The following ATAD2B variants were observed in gnomAD, a reference collection of about 807,000 sequenced individuals.
ATAD2B encodes the protein ATPase family AAA domain-containing protein 2B.
ATAD2B carries 40 observed loss-of-function variants against 167.6 expected under a neutral mutation model. The ratio of observed to expected loss-of-function variants is 0.24; its 90% CI spans 0.19 to 0.31. The LOEUF is 0.31. Ranked by LOEUF, ATAD2B falls within the 10% of genes least tolerant of loss-of-function variation. The probability of loss-of-function intolerance (pLI) is 1.00; values close to 1 mark genes in which losing one functional copy is unlikely to be tolerated. For missense variants in ATAD2B, 1,242 were observed against 1,757.2 expected (o/e 0.71, Z 5.24); for synonymous variants, 579 against 596.5 (o/e 0.97, Z 0.43).
At chr2:23,834,647 G>A (rs1689638743) in intron 13 of ATAD2B, among the ~76,000 whole-genome samples, 1 of 149,756 alleles carries the variant, frequency 6.7e-6, no homozygotes, top group Non-Finnish European at 1.5e-5. Flanking sequence ...ATACTATCAG[G>A]AAAGTAAAAA....
chr2:23,895,443 T>C (rs1333418411), intron 2 of ATAD2B, among the ~76,000 whole-genome samples: 1 of 152,072 alleles, frequency 6.6e-6, no homozygotes, highest in Non-Finnish European at 1.5e-5. Flanking sequence ...AATTTAAATG[T>C]CATTATATCT....
intron 13 of ATAD2B, among the ~76,000 whole-genome samples, chr2:23,834,475 T>G (rs1689605143): frequency 6.6e-6 from 1 of 152,070 alleles, no homozygotes; most frequent in Admixed American, 6.5e-5. Context: ...CAGTCTTTAA[T>G]GCTAACAAAA....
intron 2 of ATAD2B, among the ~76,000 whole-genome samples, chr2:23,890,427 G>A (rs929790002): frequency 6.6e-6 from 1 of 152,022 alleles, no homozygotes; most frequent in African/African-American, 2.4e-5. Context: ...TGATTCTCCA[G>A]GTATATGAGT....
intron 22 of ATAD2B, among the ~76,000 whole-genome samples, chr2:23,782,336 T>C (rs1680188724): frequency 6.6e-6 from 1 of 152,250 alleles, no homozygotes; most frequent in African/African-American, 2.4e-5. Context: ...CATTTTGTTT[T>C]ACTGCAGATA....
chr2:23,851,679 C>T (rs1194339159), intron 13 of ATAD2B, among the ~76,000 whole-genome samples: 3 of 152,102 alleles, frequency 2.0e-5, no homozygotes, highest in Admixed American at 1.3e-4. Context: ...TGGGTTTGGA[C>T]AAACATATCA....
chr2:23,801,660 T>C (rs559652427), intron 18 of ATAD2B, among the ~76,000 whole-genome samples: 2 of 152,234 alleles, frequency 1.3e-5, no homozygotes, highest in South Asian at 4.1e-4. Flanking sequence ...TCCATTTCCT[T>C]CTGACCTCCT....
At chr2:23,890,890 C>T (rs184658414) in intron 2 of ATAD2B, among the ~76,000 whole-genome samples, 26 of 152,224 alleles carry the variant, frequency 1.7e-4, no homozygotes, top group African/African-American at 5.8e-4. Context: ...TCTTTAAAAA[C>T]TTGTTCTTCA....
chr2:23,859,936 C>A (rs1158032547), intron 12 of ATAD2B, among the ~76,000 whole-genome samples: 5 of 149,452 alleles, frequency 3.3e-5, no homozygotes, highest in Admixed American at 2.7e-4. Context: ...GGTGACAGAG[C>A]GAGACTCAGC....
chr2:23,682,279 G>A, the ATAD2B span, among the ~76,000 whole-genome samples: 8 of 152,156 alleles, frequency 5.3e-5, no homozygotes, highest in South Asian at 4.2e-4. This position sits in a 1 kb window ranked among gnomAD's most constrained non-coding sequence, Gnocchi z 4.1. Context: ...CTGTGTGCCC[G>A]CCACATGCTG....
rs889001685 is a variant in ATAD2B at position 23,768,486 on chromosome 2, G to A, written c.3134-2858C>T. On this transcript the variant is annotated intron_variant, in intron 22 of 27. Transcript: ENST00000238789. ...CTTGAGAAGCTGAAGCAGCAGGATC[G>A]CTTGAGCCCAAGGGAGTTGAGGCTG... Among the ~76,000 whole-genome samples the A allele has an allele frequency of 4.0e-5, 6 of 151,700 alleles. No homozygotes were observed. In the South Asian group the frequency reaches 6.2e-4, roughly 16 times the overall value.
At chr2:23,839,374 G>T (rs913003308) in intron 13 of ATAD2B, among the ~76,000 whole-genome samples, 2 of 152,072 alleles carry the variant, frequency 1.3e-5, no homozygotes, top group Non-Finnish European at 2.9e-5. Context: ...TCTGTTTGTT[G>T]TAAGTTTTTC....
At chr2:23,923,863 A>C (rs1487147574) in intron 1 of ATAD2B, among the ~76,000 whole-genome samples, 1 of 152,180 alleles carries the variant, frequency 6.6e-6, no homozygotes, top group East Asian at 1.9e-4. Context: ...AAGGGGGAAA[A>C]ATAGGCATCA....
the ATAD2B span, among the ~76,000 whole-genome samples, chr2:23,692,205 C>T: frequency 6.6e-6 from 1 of 152,176 alleles, no homozygotes; most frequent in Non-Finnish European, 1.5e-5. Context: ...ATGGCCCTGG[C>T]CTCACAGTCC....
chr2:23,856,681 C>T lies in ATAD2B; in HGVS notation c.1568+734G>A, dbSNP rs570886843. ...TTCAAGACCAGCCTGGCCAATATGG[C>T]GAAACCCCATCTCTACTAAAAATAC... On this transcript the variant is annotated intron_variant, in intron 13 of 27. Transcript: ENST00000238789. Among the ~76,000 whole-genome samples, 43 of 151,778 alleles carry T rather than the reference C, an allele frequency of 2.8e-4. No homozygotes were observed. In the South Asian group the frequency reaches 6.3e-3, roughly 22 times the overall value.
chr2:23,913,532 TG>T (rs1702591474), intron 1 of ATAD2B, among the ~76,000 whole-genome samples: 1 of 151,020 alleles, frequency 6.6e-6, no homozygotes, highest in Non-Finnish European at 1.5e-5. Context: ...CCCAGCTACT[TG>T]GGAGGCTGAA....
the ATAD2B span, among the ~76,000 whole-genome samples, chr2:23,724,376 A>G: frequency 6.6e-6 from 1 of 152,218 alleles, no homozygotes; most frequent in African/African-American, 2.4e-5. Flanking sequence ...CATGTACCCA[A>G]TGAATACGTA....
chr2:23,831,311 T>C (rs1221262857), intron 14 of ATAD2B, among the ~76,000 whole-genome samples: 3 of 152,198 alleles, frequency 2.0e-5, no homozygotes, highest in Non-Finnish European at 4.4e-5. Context: ...TTATTGCATA[T>C]AGAAGATGTG....
At chr2:23,752,450 A>G (rs1660270429) in intron 27 of ATAD2B, among the ~76,000 whole-genome samples, 1 of 150,468 alleles carries the variant, frequency 6.6e-6, no homozygotes, top group African/African-American at 2.4e-5. Flanking sequence ...AGATTTCTAT[A>G]TATAAAATAC....
At chr2:23,701,979 AT>A in the ATAD2B span, among the ~76,000 whole-genome samples, 25,468 of 144,458 alleles carry the variant, frequency 0.18, 2,540 homozygotes, top group African/African-American at 0.28. Flanking sequence ...TGCCCAGCTA[AT>A]TTTTTTTTTT....
Sources: gnomAD v4.1 joint callset for allele counts (sites outside exome capture counted in the v4.1 genomes callset) on GRCh38, gnomAD v4.1.1 for gene constraint, Gnocchi (gnomAD v3.1) non-coding constraint, MANE v1.5 for transcripts, NCBI Gene and HGNC (gene_info 2026-07-23, HGNC 2026-07-21) for gene names.